Variants in RNF2 observed in about 807,000 individuals in gnomAD.
The protein encoded by RNF2 is E3 ubiquitin-protein ligase RING2.
Under a neutral mutation model 37.2 loss-of-function variants are expected in RNF2, and 6 were observed. The ratio of observed to expected loss-of-function variants is 0.16; its 90% CI spans 0.09 to 0.32. The LOEUF (loss-of-function observed/expected upper bound fraction) is 0.32. Among genes scored for constraint, RNF2 ranks in the 10% least tolerant of loss-of-function variants. The pLI is 1.00. For synonymous variants in RNF2, 133 were observed against 132.7 expected, an observed-to-expected ratio of 1.00 and a Z score of -0.02; for missense variants, 251 against 404.0, an observed-to-expected ratio of 0.62 and a Z score of 3.25.
intron 1 of RNF2, among the ~76,000 whole-genome samples, chr1:185,082,345 C>CTTTTTTTTTTTGTTT (rs1651444193): frequency 1.4e-5 from 1 of 72,000 alleles, no homozygotes; most frequent in Admixed American, 1.8e-4. Flanking sequence ...CTCTGCAGAA[C>CTTTTTTTTTTTGTTT]TTTTTTTTTT....
At chr1:185,054,648 C>T (rs865903813) in intron 1 of RNF2, among the ~76,000 whole-genome samples, 18 of 152,140 alleles carry the variant, frequency 1.2e-4, no homozygotes, top group African/African-American at 4.1e-4. Flanking sequence ...TCAAGATTGA[C>T]ATGTCGCCTC....
intron 1 of RNF2, among the ~76,000 whole-genome samples, chr1:185,049,988 C>A (rs1198842801): frequency 6.6e-6 from 1 of 152,186 alleles, no homozygotes; most frequent in Non-Finnish European, 1.5e-5. Context: ...GAGATCCCAG[C>A]TGGCAAAGGA....
chr1:185,066,375 C>G (rs1314352016), intron 1 of RNF2, among the ~76,000 whole-genome samples: 3 of 152,150 alleles, frequency 2.0e-5, no homozygotes, highest in Non-Finnish European at 4.4e-5. Flanking sequence ...GTGTACCTTT[C>G]CTTATTATGT....
rs150644033 is a variant in RNF2, at chr1:185,079,132, T to G, written c.-2-8420T>G. ...GTTTCTGCCTATGCAGCTAAAGTTA[T>G]CTCATTCAGACTAATGCTTACTTTT... On this transcript the variant is annotated intron_variant, in intron 1 of 6. Transcript: ENST00000367510. 7.9e-5 allele frequency among the ~76,000 whole-genome samples: 12 copies of G among 152,180 alleles called. No homozygotes were observed. In the East Asian group the frequency reaches 2.3e-3, roughly 29 times the overall value.
intron 4 of RNF2, among the ~76,000 whole-genome samples, chr1:185,095,367 C>T (rs1236957071): frequency 6.6e-6 from 1 of 152,190 alleles, no homozygotes; most frequent in East Asian, 1.9e-4. Context: ...GCCTCAGAGC[C>T]TTTGTACTTA....
chr1:185,085,966 T>C lies in RNF2; in HGVS notation c.-2-1586T>C, dbSNP rs554237957. 2.6e-5 allele frequency among the ~76,000 whole-genome samples: 4 copies of C among 152,314 alleles called. No homozygotes were observed. The East Asian group carries it at 7.7e-4, about 29-fold the overall frequency. On this transcript the variant is annotated intron_variant, in intron 1 of 6. Transcript: ENST00000367510. ...CGCACCTGGCCCTGTTTAAAACTTT[T>C]AGTATCTTCCAATCACAAGCATACC...
At chr1:185,048,745 T>C (rs1650185692) in intron 1 of RNF2, among the ~76,000 whole-genome samples, 1 of 151,894 alleles carries the variant, frequency 6.6e-6, no homozygotes, top group Non-Finnish European at 1.5e-5. Flanking sequence ...AGTCGATGCA[T>C]AGAATGAAAA....
rs374476570 is a variant in RNF2 at position 185,069,686 on chromosome 1, A to G, written c.-2-17866A>G. On this transcript the variant is annotated intron_variant, in intron 1 of 6. Coordinates refer to ENST00000367510, the MANE Select transcript of RNF2 (RefSeq NM_007212.4). ...AGCCTATAATATCTTAATCCTCTCA[A>G]AGATTGGGTATGTGTTTGGAGCTAG... Among the ~76,000 whole-genome samples, 32 of 152,256 alleles carry G rather than the reference A, an allele frequency of 2.1e-4. 1 individual carries two copies. The East Asian group carries it at 5.4e-3, about 26-fold the overall frequency.
At chr1:185,084,643 C>G (rs139948806) in intron 1 of RNF2, among the ~76,000 whole-genome samples, 111 of 152,272 alleles carry the variant, frequency 7.3e-4, no homozygotes, top group African/African-American at 2.6e-3. Context: ...CTTCTCTTAG[C>G]TGTATTATCT....
intron 1 of RNF2, among the ~76,000 whole-genome samples, chr1:185,073,977 C>T (rs1316809780): frequency 6.6e-6 from 1 of 152,224 alleles, no homozygotes; most frequent in Non-Finnish European, 1.5e-5. Context: ...GCCCATGCCT[C>T]ATGTACTTCT....
Position 185,098,126 on chromosome 1 carries a change from T to C in RNF2, c.519T>C (p.Asn173=). The C allele has an allele frequency of 6.2e-7, 1 of 1,614,178 alleles. No homozygotes were observed. ...AAAATGGTAGTGGAGCAGAAGATAA[T>C]GGTGACAGTTCACACTGCAGTAATG... ...QIENGSGAED[N]GDSSHCSNAS... The change falls in exon 5 of 7, where the codon AAT becomes AAC. Residue 173 remains asparagine (N), a synonymous_variant. Transcript: ENST00000367510.
At chr1:185,079,693 G>C (rs1354025693) in intron 1 of RNF2, among the ~76,000 whole-genome samples, 1 of 152,152 alleles carries the variant, frequency 6.6e-6, no homozygotes, top group African/African-American at 2.4e-5. Flanking sequence ...ACTTTGGGAG[G>C]CTGAGGTGGG....
chr1:185,054,693 A>G (rs1486942083), intron 1 of RNF2, among the ~76,000 whole-genome samples: 3 of 151,850 alleles, frequency 2.0e-5, no homozygotes, highest in Non-Finnish European at 4.4e-5. Context: ...GGGTTTTTTA[A>G]AATTTTTTAT....
chr1:185,081,546 A>G (rs1571315827), intron 1 of RNF2, among the ~76,000 whole-genome samples: 1 of 124,306 alleles, frequency 8.0e-6, no homozygotes, highest in South Asian at 2.9e-4. Context: ...GGTGTGTGCC[A>G]CCATGCCTGA....
chr1:185,076,268 G>T (rs867141156), intron 1 of RNF2, among the ~76,000 whole-genome samples: 167 of 27,304 alleles, frequency 6.1e-3, no homozygotes, highest in African/African-American at 9.5e-3. Flanking sequence ...TTTATGGGTT[G>T]TTTTTTTTTT....
chr1:185,070,795 C>T (rs1650947884), intron 1 of RNF2, among the ~76,000 whole-genome samples: 1 of 151,920 alleles, frequency 6.6e-6, no homozygotes, highest in Admixed American at 6.6e-5. Context: ...CCCGCCACCT[C>T]GCCGGCTCAT....
At chr1:185,075,023 C>T (rs528203702) in intron 1 of RNF2, among the ~76,000 whole-genome samples, 1 of 151,896 alleles carries the variant, frequency 6.6e-6, no homozygotes, top group African/African-American at 2.4e-5. Flanking sequence ...TGAGATGGAG[C>T]CTTGCTCTGT....
chr1:185,075,760 T>G (rs1362710461), intron 1 of RNF2, among the ~76,000 whole-genome samples: 1 of 152,214 alleles, frequency 6.6e-6, no homozygotes, highest in Non-Finnish European at 1.5e-5. Context: ...TCCACTCCCA[T>G]GATCCAGTCA....
intron 1 of RNF2, among the ~76,000 whole-genome samples, chr1:185,083,061 T>G (rs1451205451): frequency 6.6e-6 from 1 of 152,238 alleles, no homozygotes; most frequent in Non-Finnish European, 1.5e-5. Context: ...AGAGTCATCT[T>G]CAAAGCAGCA....
Sources: allele counts gnomAD v4.1 joint callset (sites outside exome capture counted in the v4.1 genomes callset), GRCh38; gene constraint gnomAD v4.1.1; transcripts MANE v1.5; gene names NCBI Gene and HGNC (gene_info 2026-07-23, HGNC 2026-07-21).